The following GVQW3 variants were observed in gnomAD, a reference collection of about 807,000 sequenced individuals.
GVQW3 encodes the protein GVQW motif containing 3.
Under a neutral mutation model 12.5 loss-of-function variants are expected in GVQW3, and 7 were observed. That is an observed-to-expected ratio of 0.56 (90% CI 0.32 to 1.05). The LOEUF is 1.05. GVQW3 is among the 50% of genes least tolerant of loss of function. The pLI, the probability that GVQW3 is intolerant of heterozygous loss-of-function variation, is 0.04. For missense variants in GVQW3, 188 were observed against 190.8 expected (o/e 0.99, Z 0.09); for synonymous variants, 71 against 67.2 (o/e 1.06, Z -0.28).
intron 1 of GVQW3, chr11:76,382,798 C>G (rs1946791691): frequency 9.3e-6 from 2 of 214,226 alleles, no homozygotes; most frequent in Admixed American, 5.2e-5. Flanking sequence ...AAGAGAGGAA[C>G]AGGATCTCCT....
intron 1 of GVQW3, chr11:76,383,098 C>T (rs1490391525): frequency 1.3e-5 from 2 of 152,358 alleles, no homozygotes; most frequent in African/African-American, 4.8e-5. Flanking sequence ...GACCTCCACT[C>T]ATTTGGGTAT....
intron 1 of GVQW3, among the ~76,000 whole-genome samples, chr11:76,385,638 C>T (rs1378784580): frequency 6.6e-6 from 1 of 152,160 alleles, no homozygotes; most frequent in African/African-American, 2.4e-5. Context: ...TAACTTACAA[C>T]TCTTCTCTGA....
chr11:76,410,456 A>G (rs944290679), downstream of GVQW3, among the ~76,000 whole-genome samples: 1 of 149,776 alleles, frequency 6.7e-6, no homozygotes, highest in African/African-American at 2.5e-5. Context: ...ACTTCATTCT[A>G]CTATATTCCT....
intron 1 of GVQW3, among the ~76,000 whole-genome samples, chr11:76,400,422 G>A (rs936267478): frequency 1.5e-5 from 2 of 136,284 alleles, no homozygotes; most frequent in Non-Finnish European, 3.2e-5. Context: ...CCCTTTTTTT[G>A]TTTGTTTGTT....
At chr11:76,391,932 C>A (rs753443156) in intron 1 of GVQW3, among the ~76,000 whole-genome samples, 1 of 152,172 alleles carries the variant, frequency 6.6e-6, no homozygotes, top group South Asian at 2.1e-4. Flanking sequence ...CCAGCCCGGG[C>A]GACAGAGTGA....
downstream of GVQW3, chr11:76,408,609 C>T (rs908723889): frequency 6.6e-6 from 1 of 152,296 alleles, no homozygotes; most frequent in Non-Finnish European, 1.5e-5. Context: ...GGGAGCAGGG[C>T]CAGGAAGGTG....
At chr11:76,383,337 G>A (rs1439038884) in intron 1 of GVQW3, 1 of 152,248 alleles carries the variant, frequency 6.6e-6, no homozygotes, top group Non-Finnish European at 1.5e-5. Context: ...CAATGTGGAG[G>A]TTATGAACAA....
At chr11:76,387,794 G>A (rs1397137252) in intron 1 of GVQW3, among the ~76,000 whole-genome samples, 2 of 152,122 alleles carry the variant, frequency 1.3e-5, no homozygotes, top group African/African-American at 2.4e-5. Context: ...ATGGTGGCAC[G>A]TGGCTGTAGT....
intron 1 of GVQW3, among the ~76,000 whole-genome samples, chr11:76,390,555 G>T (rs1038153402): frequency 1.3e-5 from 2 of 152,358 alleles, no homozygotes; most frequent in South Asian, 2.1e-4. Flanking sequence ...AAATTAGTAG[G>T]CTGGGCACGG....
intron 1 of GVQW3, among the ~76,000 whole-genome samples, chr11:76,388,600 G>C (rs1946860252): frequency 1.3e-5 from 2 of 151,352 alleles, no homozygotes; most frequent in South Asian, 4.2e-4. Flanking sequence ...TGGCTGTATG[G>C]GCCAGATGCT....
intron 1 of GVQW3, among the ~76,000 whole-genome samples, chr11:76,387,561 A>G (rs1040152149): frequency 6.6e-6 from 1 of 152,164 alleles, no homozygotes; most frequent in Admixed American, 6.5e-5. Flanking sequence ...AAAATGACAG[A>G]TGATTATTTT....
Position 76,406,880 on chromosome 11 carries a change from T to C in GVQW3, c.*3122T>C, listed in dbSNP as rs113597532. ...AAAATTAGCTGGGAGTGGTGGCGGG[T>C]GCCTGTAGTCCCAGCTATTTGGGAG... On this transcript the variant is annotated 3_prime_UTR_variant, in exon 2 of 2. Transcript: ENST00000529331. 0.063 allele frequency: 9,552 copies of C among 151,988 alleles called. 408 individuals carry two copies. The highest frequency in any genetic ancestry group is 0.15 in the East Asian group (761 of 5,158). 9.4% of individuals were successfully genotyped at this position (151,988 alleles called of 1,614,324 possible).
rs2059838935 is a variant in GVQW3 at position 76,382,076 on chromosome 11, G to A, written c.248G>A (p.Cys83Tyr). The A allele has an allele frequency of 2.0e-6, 3 of 1,536,490 alleles. No individual in the cohort carries two copies. Among genetic ancestry groups the A allele is most frequent in the Non-Finnish European group, 2.6e-6 (3 of 1,146,996 alleles). ...DNIQKVKDLV[C>Y]SNRQLTVRMM... is the part of the protein sequence containing the mutation. ...ATCCAGAAGGTCAAGGACTTGGTTT[G>A]TTCAAACAGGCAGTTAACCGTGAGG... Residue 83 changes from cysteine to tyrosine, a missense_variant, in exon 1 of 2, where the codon TGT (cysteine) becomes TAT (tyrosine). Transcript: ENST00000529331.
downstream of GVQW3, among the ~76,000 whole-genome samples, chr11:76,409,418 G>T (rs545541506): frequency 6.6e-6 from 1 of 152,204 alleles, no homozygotes; most frequent in South Asian, 2.1e-4. Context: ...AGATCCTATG[G>T]GGGTAACTCC....
rs1008994090 is a variant in GVQW3 at position 76,403,716 on chromosome 11, C to T, written c.522C>T (p.Ile174=). ...TCTCGAACTCCTTGTCTCAAGGGATCCTCCCACCTTGGCCTCCCAAAGCTC... is the reference window on the plus strand; with the variant it reads ...TCTCGAACTCCTTGTCTCAAGGGATTCTCCCACCTTGGCCTCCCAAAGCTC... ...RLVSNSLSQG[I]LPPWPPKALG... Residue 174 remains isoleucine, a synonymous_variant, in exon 2 of 2, where the codon ATC becomes ATT. Coordinates refer to ENST00000529331, the MANE Select transcript of GVQW3 (RefSeq NM_001347885.2). 11 of 486,032 alleles carry T rather than the reference C, an allele frequency of 2.3e-5. No individual in the cohort carries two copies. The highest frequency in any genetic ancestry group is 4.1e-5 in the Non-Finnish European group (11 of 270,838). 30.1% of individuals were successfully genotyped at this position (486,032 alleles called of 1,614,324 possible).
At chr11:76,398,481 T>C (rs939655535) in intron 1 of GVQW3, among the ~76,000 whole-genome samples, 1 of 152,020 alleles carries the variant, frequency 6.6e-6, no homozygotes, top group Non-Finnish European at 1.5e-5. Flanking sequence ...CCAGCTAATT[T>C]TTTGTATTTT....
At chr11:76,383,695 G>C in intron 1 of GVQW3, 1 of 152,090 alleles carries the variant, frequency 6.6e-6, no homozygotes, top group Non-Finnish European at 1.5e-5. Context: ...AGGAGAATCT[G>C]TTGAACCCGG....
intron 1 of GVQW3, among the ~76,000 whole-genome samples, chr11:76,396,498 A>G (rs1946940877): frequency 6.6e-6 from 1 of 151,746 alleles, no homozygotes. Context: ...ATTTTTTTGT[A>G]GGGATAGAGT....
intron 1 of GVQW3, among the ~76,000 whole-genome samples, chr11:76,401,773 C>CAAAAAAAAAAAAAAAAAAA (rs5792720): frequency 1.1e-5 from 1 of 88,944 alleles, no homozygotes. Context: ...AACTCTGTCT[C>CAAAAAAAAAAAAAAAAAAA]AAAAAAAAAA....
Sources: allele counts gnomAD v4.1 joint callset (sites outside exome capture counted in the v4.1 genomes callset), GRCh38; gene constraint gnomAD v4.1.1; transcripts MANE v1.5; gene names NCBI Gene and HGNC (gene_info 2026-07-23, HGNC 2026-07-21).